FBXL17: variants seen among roughly 807,000 people sequenced by gnomAD.
The protein encoded by FBXL17 is F-box and leucine rich repeat protein 17.
In FBXL17, 22 loss-of-function variants were observed where a neutral mutation model predicts 66.2. The ratio of observed to expected loss-of-function variants is 0.33; its 90% CI spans 0.24 to 0.47. The LOEUF is 0.47. Ranked by LOEUF, FBXL17 falls within the 20% of genes least tolerant of loss-of-function variation. The pLI, the probability that FBXL17 is intolerant of heterozygous loss-of-function variation, is 1.00. For missense variants in FBXL17, 878 were observed against 948.2 expected (o/e 0.93, Z 0.97); for synonymous variants, 474 against 400.5 (o/e 1.18, Z -2.19).
At chr5:108,121,848 C>T (rs1161742125) in intron 6 of FBXL17, among the ~76,000 whole-genome samples, 3 of 152,062 alleles carry the variant, frequency 2.0e-5, no homozygotes, top group Admixed American at 6.5e-5. Context: ...TGAGCCACCG[C>T]GCTCGGCCCA....
intron 4 of FBXL17, among the ~76,000 whole-genome samples, chr5:108,346,778 T>C (rs1210285130): frequency 6.6e-6 from 1 of 152,116 alleles, no homozygotes; most frequent in East Asian, 1.9e-4. Context: ...ATCAATAACT[T>C]CATTTACAAA....
chr5:108,308,769 T>C (rs1758976222), intron 4 of FBXL17, among the ~76,000 whole-genome samples: 1 of 152,096 alleles, frequency 6.6e-6, no homozygotes, highest in African/African-American at 2.4e-5. Flanking sequence ...GTAGCATTAA[T>C]TTTTTTAAAG....
chr5:108,366,695 C>G (rs543551697), intron 2 of FBXL17, among the ~76,000 whole-genome samples: 4 of 152,170 alleles, frequency 2.6e-5, no homozygotes, highest in African/African-American at 9.6e-5. Context: ...CTCCATTCTA[C>G]TGCCCACAAC....
intron 8 of FBXL17, among the ~76,000 whole-genome samples, chr5:107,877,961 A>T (rs114616242): frequency 6.6e-6 from 1 of 151,834 alleles, no homozygotes; most frequent in African/African-American, 2.4e-5. Context: ...ATTTTTCACT[A>T]TTATTTTGTT....
At chr5:108,138,274 C>G (rs1751220015) in intron 6 of FBXL17, among the ~76,000 whole-genome samples, 2 of 152,158 alleles carry the variant, frequency 1.3e-5, no homozygotes, top group African/African-American at 4.8e-5. Flanking sequence ...TTACTTCTCC[C>G]CATTTTCTCC....
intron 3 of FBXL17, among the ~76,000 whole-genome samples, chr5:108,356,389 T>C (rs974431327): frequency 6.6e-6 from 1 of 152,164 alleles, no homozygotes; most frequent in Non-Finnish European, 1.5e-5. Context: ...CAGAAGTTTA[T>C]AGTAGTTTTA....
intron 1 of FBXL17, among the ~76,000 whole-genome samples, chr5:108,377,549 G>A (rs1749533344): frequency 6.6e-6 from 1 of 152,266 alleles, no homozygotes; most frequent in Admixed American, 6.5e-5. Context: ...GCCCACGCGA[G>A]AATGCTGTAG....
At chr5:108,178,342 G>A (rs1752876292) in intron 6 of FBXL17, among the ~76,000 whole-genome samples, 1 of 152,012 alleles carries the variant, frequency 6.6e-6, no homozygotes, top group Non-Finnish European at 1.5e-5. Context: ...CACCATGCCT[G>A]GCCTCATGAT....
chr5:108,029,850 T>A (rs917466671), intron 6 of FBXL17, among the ~76,000 whole-genome samples: 10 of 152,166 alleles, frequency 6.6e-5, no homozygotes, highest in Middle Eastern at 3.4e-3. Context: ...GCTATAGGAT[T>A]AGAATTCGAG....
At chr5:108,009,308 T>TATGTATACACAC in intron 7 of FBXL17, among the ~76,000 whole-genome samples, 1 of 42,220 alleles carries the variant, frequency 2.4e-5, no homozygotes, top group African/African-American at 8.8e-5. Context: ...TATACATATA[T>TATGTATACACAC]ACATACACAT....
chr5:108,222,163 T>A (rs561426793), intron 5 of FBXL17, among the ~76,000 whole-genome samples: 1 of 152,326 alleles, frequency 6.6e-6, no homozygotes, highest in African/African-American at 2.4e-5. Flanking sequence ...ATTGTGATCT[T>A]TTAAGTACCA....
intron 7 of FBXL17, among the ~76,000 whole-genome samples, chr5:107,978,044 C>T (rs1386326836): frequency 1.3e-5 from 2 of 152,180 alleles, no homozygotes; most frequent in African/African-American, 4.8e-5. Flanking sequence ...GATTGCTGGG[C>T]CCCATTCCCA....
At chr5:108,276,035 TAAAA>T (rs1305670868) in intron 4 of FBXL17, among the ~76,000 whole-genome samples, 2 of 151,988 alleles carry the variant, frequency 1.3e-5, no homozygotes, top group South Asian at 2.1e-4. Context: ...TTGAAAACAA[TAAAA>T]AGAAAGAAAG....
At chr5:108,321,243 T>C (rs1481365800) in intron 4 of FBXL17, among the ~76,000 whole-genome samples, 1 of 151,842 alleles carries the variant, frequency 6.6e-6, no homozygotes, top group Non-Finnish European at 1.5e-5. Context: ...ACTGAGTATA[T>C]AATAATATTA....
Position 107,868,847 on chromosome 5 carries a change from A to G in FBXL17, c.1966-6987T>C, listed in dbSNP as rs74722950. Among the ~76,000 whole-genome samples the G allele has an allele frequency of 6.3e-4, 96 of 152,274 alleles. 1 individual carries two copies. In the East Asian group the frequency reaches 0.01, roughly 17 times the overall value. ...AGCCTGTGTACCACATGCACAAAAT[A>G]TGCACATATTTTTCAGAGAAGAAAG... On this transcript the variant is annotated intron_variant, in intron 8 of 8. Coordinates refer to ENST00000542267, the MANE Select transcript of FBXL17 (RefSeq NM_001163315.3).
At chr5:107,937,183 A>G (rs1750936918) in intron 7 of FBXL17, among the ~76,000 whole-genome samples, 1 of 152,226 alleles carries the variant, frequency 6.6e-6, no homozygotes, top group South Asian at 2.1e-4. Flanking sequence ...GATGTGAATT[A>G]GTGACAAAAA....
intron 3 of FBXL17, among the ~76,000 whole-genome samples, chr5:108,362,418 C>T (rs567878873): frequency 1.1e-3 from 169 of 152,150 alleles, no homozygotes; most frequent in Admixed American, 3.4e-3. Flanking sequence ...TGTTTACTGG[C>T]AAGTGCTAGA....
At chr5:108,004,150 GATA>G (rs1190464876) in intron 7 of FBXL17, among the ~76,000 whole-genome samples, 2 of 152,074 alleles carry the variant, frequency 1.3e-5, no homozygotes. Flanking sequence ...AAGACAGTGG[GATA>G]ATATCTTCAA....
chr5:108,071,153 A>G (rs746362996), intron 6 of FBXL17, among the ~76,000 whole-genome samples: 7 of 152,230 alleles, frequency 4.6e-5, no homozygotes, highest in Non-Finnish European at 8.8e-5. Context: ...GTTGCATTGC[A>G]GCGATGAACT....
Sources: gnomAD v4.1 joint callset for allele counts (sites outside exome capture counted in the v4.1 genomes callset) on GRCh38, gnomAD v4.1.1 for gene constraint, MANE v1.5 for transcripts, NCBI Gene and HGNC (gene_info 2026-07-23, HGNC 2026-07-21) for gene names.